Variants in MYH11 observed in about 807,000 individuals in gnomAD.
MYH11 encodes the protein myosin heavy chain 11, also known as myosin-11.
Under a neutral mutation model 246.6 loss-of-function variants are expected in MYH11, and 80 were observed. The ratio of observed to expected loss-of-function variants is 0.32; its 90% CI spans 0.27 to 0.39. The LOEUF (loss-of-function observed/expected upper bound fraction) is 0.39. Ranked by LOEUF, MYH11 falls within the 10% of genes least tolerant of loss-of-function variation. The pLI, the probability that MYH11 is intolerant of heterozygous loss-of-function variation, is 1.00. For synonymous variants in MYH11, 1,071 were observed against 1,015.5 expected, an observed-to-expected ratio of 1.05 and a Z score of -1.04; for missense variants, 2,158 against 2,546.8, an observed-to-expected ratio of 0.85 and a Z score of 3.29.
chr16:15,787,357 A>C (rs1194381211), intron 4 of MYH11, among the ~76,000 whole-genome samples: 1 of 152,070 alleles, frequency 6.6e-6, no homozygotes, highest in Non-Finnish European at 1.5e-5. Flanking sequence ...ACAGTGAGCC[A>C]TGATCACACC....
chr16:15,717,448 C>T, intron 37 of MYH11, 100 bp from the exon 38 acceptor site: 3 of 1,246,018 alleles, frequency 2.4e-6, no homozygotes, highest in East Asian at 2.4e-5. Context: ...CTGCACGAGT[C>T]CCTTGATCCC....
Position 15,703,739 on chromosome 16 carries a change from C to T in MYH11, c.*252G>A, listed in dbSNP as rs1596660266. On this transcript the variant is annotated 3_prime_UTR_variant, in exon 41 of 41. Transcript: ENST00000300036. Reference sequence around the variant, plus strand: ...TAGTAGCTGGGACCACAGGTGTGTACCACCACGCCCAGCTTATTTTTAAAT... The same window carrying T: ...TAGTAGCTGGGACCACAGGTGTGTATCACCACGCCCAGCTTATTTTTAAAT... 1.4e-5 allele frequency: 7 copies of T among 508,334 alleles called. 1 individual carries two copies. The highest frequency in any genetic ancestry group is 1.2e-4 in the South Asian group (6 of 50,794). 31.5% of individuals were successfully genotyped at this position (508,334 alleles called of 1,614,324 possible). A position where few individuals can be genotyped will look rare whatever the true frequency, so the allele number is the denominator to read the frequency against.
chr16:15,808,329 G>T (rs1045689027), intron 3 of MYH11, among the ~76,000 whole-genome samples: 2 of 152,174 alleles, frequency 1.3e-5, no homozygotes, highest in African/African-American at 4.8e-5. Context: ...AACAACTGGA[G>T]TAAGCACAGT....
intron 27 of MYH11, among the ~76,000 whole-genome samples, chr16:15,729,021 A>G (rs2040881153): frequency 6.6e-6 from 1 of 152,124 alleles, no homozygotes. Context: ...CAGTCTTCCC[A>G]TAGTCCCTGG....
At position 15,703,394 on chromosome 16, in the gene MYH11, T is replaced by G. The variant is rs757397513; in HGVS notation, c.*597A>C. On this transcript the variant is annotated 3_prime_UTR_variant, in exon 41 of 41. Transcript: ENST00000300036. Reference sequence around the variant, plus strand: ...GGGAGTGGGGGCCGGCGGCACCCATTTCGGTGACTTTCTCCCCATTTCATG... The same window carrying G: ...GGGAGTGGGGGCCGGCGGCACCCATGTCGGTGACTTTCTCCCCATTTCATG... The G allele has an allele frequency of 7.1e-5, 17 of 238,120 alleles. No homozygotes were observed. Among genetic ancestry groups the G allele is most frequent in the Non-Finnish European group, 1.2e-4 (14 of 120,390 alleles). The allele number at this position is 238,120 out of a possible 1,614,324, so 14.8% of individuals were successfully genotyped here.
intron 3 of MYH11, among the ~76,000 whole-genome samples, chr16:15,806,615 C>T (rs572093837): frequency 1.3e-4 from 20 of 152,122 alleles, no homozygotes; most frequent in South Asian, 4.2e-4. Context: ...TAAATTATAC[C>T]GCATAAACCT....
intron 20 of MYH11, among the ~76,000 whole-genome samples, chr16:15,743,930 G>A (rs1473766344): frequency 6.6e-6 from 1 of 152,048 alleles, no homozygotes; most frequent in Non-Finnish European, 1.5e-5. Flanking sequence ...GCCACTACAG[G>A]AACCAGTTGA....
chr16:15,853,044 T>G (rs1488400917), intron 1 of MYH11, among the ~76,000 whole-genome samples: 1 of 152,162 alleles, frequency 6.6e-6, no homozygotes, highest in Non-Finnish European at 1.5e-5. Flanking sequence ...GGTCTTCGAG[T>G]TACAAGTCTC....
chr16:15,729,981 C>T (rs968597690), intron 27 of MYH11, among the ~76,000 whole-genome samples: 2 of 152,144 alleles, frequency 1.3e-5, no homozygotes, highest in African/African-American at 4.8e-5. Context: ...CCACCGCGCC[C>T]GGCCTTTGGG....
rs200660016 is a variant in MYH11 at position 15,759,636 on chromosome 16, G to T, written c.1341C>A (p.Thr447=). The change falls in exon 12 of 41, where the codon ACC becomes ACA. Residue 447 remains threonine (T), a synonymous_variant. Coordinates refer to ENST00000300036, the MANE Select transcript of MYH11 (RefSeq NM_002474.3). ...CCAGGAAGGAAGCCCCTTGCCGATG[G>T]GTCTTGTCCAGGGCTTTGTTCACGC... ...LTRVNKALDK[T]HRQGASFLGI... 31 of 1,614,182 alleles carry T rather than the reference G, an allele frequency of 1.9e-5. No individual in the cohort carries two copies. In the East Asian group the frequency reaches 6.7e-4, roughly 35 times the overall value.
intron 27 of MYH11, 148 bp from the exon 28 acceptor site, chr16:15,727,202 T>C: frequency 1.4e-6 from 1 of 710,292 alleles, no homozygotes; most frequent in South Asian, 1.7e-5. Flanking sequence ...GGTTTTTTTG[T>C]TGTTATTTTT....
chr16:15,800,804 T>C (rs2042866996), intron 3 of MYH11, among the ~76,000 whole-genome samples: 1 of 152,048 alleles, frequency 6.6e-6, no homozygotes, highest in South Asian at 2.1e-4. Context: ...CCTCGGATTA[T>C]AGATGGATGT....
chr16:15,823,276 C>T lies in MYH11; in HGVS notation c.481G>A (p.Ala161Thr). 1 of 1,614,220 alleles carries T rather than the reference C, an allele frequency of 6.2e-7. No homozygotes were observed. The highest frequency in any genetic ancestry group is 8.5e-7 in the Non-Finnish European group (1 of 1,180,050). ...PPHIYAIADTAYRSMLQDRED... is the reference protein window; with the variant it reads ...PPHIYAIADTTYRSMLQDRED... ...TCACCTTGAAGCATGCTCCGGTAGG[C>T]CGTGTCTGCGATGGCGTAGATGTGA... The change falls in exon 3 of 41, where the codon GCC becomes ACC. Residue 161 changes from alanine (A) to threonine (T), a missense_variant. Ala to Thr is a moderately conservative substitution (Grantham distance 58). Coordinates refer to ENST00000300036, the MANE Select transcript of MYH11 (RefSeq NM_002474.3).
rs754958957 is a variant in MYH11 at position 15,778,792 on chromosome 16, T to TACA, written c.777_778insTGT (p.Ala259_Asn260insCys). The stretch of plus-strand genomic sequence containing the variant: ...AGGGAAAGGATACAGGTCTCAATGT[T>TACA]GGCTCCCACGATGTAACCCGTGACG... On this transcript the variant is annotated inframe_insertion, in exon 7 of 41. Transcript: ENST00000300036. 6.2e-7 allele frequency: 1 copy of TACA among 1,614,134 alleles called. No homozygotes were observed. The highest frequency in any genetic ancestry group is 2.2e-5 in the East Asian group (1 of 44,872).
intron 31 of MYH11, among the ~76,000 whole-genome samples, chr16:15,722,283 A>G (rs2040527608): frequency 6.6e-6 from 1 of 152,206 alleles, no homozygotes; most frequent in African/African-American, 2.4e-5. Flanking sequence ...GTAGCTATTA[A>G]TATCTTACAA....
intron 11 of MYH11, among the ~76,000 whole-genome samples, 200 bp from the exon 12 acceptor site, chr16:15,759,928 C>T (rs2041828206): frequency 6.6e-6 from 1 of 152,168 alleles, no homozygotes; most frequent in African/African-American, 2.4e-5. Flanking sequence ...AAAAACCCTT[C>T]TCTACTAAAA....
chr16:15,760,650 T>C lies in MYH11; in HGVS notation c.1138A>G (p.Lys380Glu), dbSNP rs2041847532. 1.2e-6 allele frequency: 2 copies of C among 1,604,612 alleles called. No individual in the cohort carries two copies. Among genetic ancestry groups the C allele is most frequent in the Non-Finnish European group, 1.7e-6 (2 of 1,171,472 alleles). The change falls in exon 11 of 41, where the codon AAA becomes GAA. Residue 380 changes from lysine (K) to glutamate (E), a missense_variant. Lys to Glu is a moderately conservative substitution (Grantham distance 56, BLOSUM62 1). Transcript: ENST00000300036. ...TTAATTCCCATGAGGTGGCAAACTT[T>C]CTGAGCAGCTGGATGGAGAAAAGAA... is the stretch of plus-strand genomic sequence containing the variant. ...ASMPDNTAAQ[K>E]VCHLMGINVT...
intron 4 of MYH11, among the ~76,000 whole-genome samples, chr16:15,788,798 ATGTG>A (rs58077308): frequency 4.5e-3 from 471 of 104,876 alleles, no homozygotes; most frequent in Non-Finnish European, 7.2e-3. Context: ...ACCAGAATAT[ATGTG>A]TGTGTGTGTG....
chr16:15,801,444 C>A (rs183314769), intron 3 of MYH11, among the ~76,000 whole-genome samples: 2 of 151,188 alleles, frequency 1.3e-5, no homozygotes, highest in African/African-American at 4.9e-5. Flanking sequence ...TCACTTGAGG[C>A]CAGGAGTTCC....
Sources: allele counts gnomAD v4.1 joint callset (sites outside exome capture counted in the v4.1 genomes callset), GRCh38; gene constraint gnomAD v4.1.1; transcripts MANE v1.5; gene names NCBI Gene and HGNC (gene_info 2026-07-23, HGNC 2026-07-21).